The following MALT1 variants were observed in gnomAD, a reference collection of about 807,000 sequenced individuals.
MALT1 encodes mucosa-associated lymphoid tissue lymphoma translocation protein 1.
In MALT1, 36 loss-of-function variants were observed where a neutral mutation model predicts 85.5. The observed-to-expected ratio is 0.42, with a 90% CI of 0.32 to 0.56. MALT1 has a LOEUF of 0.56. MALT1 is among the 20% of genes least tolerant of loss of function. The pLI is 0.10. For missense variants in MALT1, 716 were observed against 981.6 expected, an observed-to-expected ratio of 0.73 and a Z score of 3.62; for synonymous variants, 359 against 361.3, an observed-to-expected ratio of 0.99 and a Z score of 0.07.
intron 11 of MALT1, chr18:58,733,897 A>G: frequency 8.7e-7 from 1 of 1,146,422 alleles, no homozygotes; most frequent in African/African-American, 1.6e-5. Context: ...AACAAAACCA[A>G]CACCCATGGA....
chr18:58,683,141 C>A (rs954292175), intron 2 of MALT1, among the ~76,000 whole-genome samples: 1 of 152,134 alleles, frequency 6.6e-6, no homozygotes, highest in Non-Finnish European at 1.5e-5. Context: ...CATTTGAAAT[C>A]TACTAGTCTA....
intron 10 of MALT1, among the ~76,000 whole-genome samples, 181 bp downstream of exon 10, chr18:58,723,432 CAT>C: frequency 1.3e-5 from 2 of 152,090 alleles, no homozygotes; most frequent in Middle Eastern, 3.4e-3. Flanking sequence ...TAATTAGCTT[CAT>C]GTCTTTACTT....
intron 13 of MALT1, among the ~76,000 whole-genome samples, chr18:58,736,635 A>G (rs972199626): frequency 2.0e-5 from 3 of 152,240 alleles, no homozygotes; most frequent in Non-Finnish European, 2.9e-5. Context: ...TGTCATAGCA[A>G]TGAATGGCAT....
At chr18:58,695,228 C>G (rs1203660456) in intron 2 of MALT1, among the ~76,000 whole-genome samples, 1 of 152,156 alleles carries the variant, frequency 6.6e-6, no homozygotes, top group Non-Finnish European at 1.5e-5. Flanking sequence ...GTGGGTATGC[C>G]TTTATCAGGA....
chr18:58,721,247 C>T, intron 9 of MALT1, among the ~76,000 whole-genome samples: 1 of 152,034 alleles, frequency 6.6e-6, no homozygotes. Context: ...GGCGTGGTGG[C>T]GCATGCCTGT....
At chr18:58,705,659 A>G (rs924667069) in intron 4 of MALT1, among the ~76,000 whole-genome samples, 6 of 150,268 alleles carry the variant, frequency 4.0e-5, no homozygotes, top group Admixed American at 3.3e-4. Flanking sequence ...TGAACTCATC[A>G]TTTTTTATGG....
intron 2 of MALT1, chr18:58,691,351 T>C (rs958723457): frequency 7.0e-6 from 6 of 852,180 alleles, no homozygotes; most frequent in Non-Finnish European, 1.1e-5. Flanking sequence ...CTGTTTGCTT[T>C]TGGCATTGCC....
At chr18:58,700,339 GC>G (rs2054653804) in intron 3 of MALT1, 101 bp from the exon 4 acceptor site, 11 of 840,740 alleles carry the variant, frequency 1.3e-5, no homozygotes, top group Admixed American at 3.4e-5. Flanking sequence ...GAAAAATGTT[GC>G]ACTTTCAAAG....
intron 13 of MALT1, among the ~76,000 whole-genome samples, chr18:58,737,969 T>C (rs6567006): frequency 0.98 from 148,993 of 152,306 alleles, 72,961 homozygotes; most frequent in Middle Eastern, 1. Flanking sequence ...ATCTGTAACG[T>C]GACTTTTATT....
Position 58,696,434 on chromosome 18 carries a change from C to G in MALT1, c.445C>G (p.Arg149Gly). ...TGGACAGTTTGTGAAACTGTGTTGC[C>G]GGGCAACTGGACATCCTTTTGTTCA... The part of the protein sequence containing the change: ...LAGQFVKLCC[R>G]ATGHPFVQYQ... The change falls in exon 3 of 17, where the codon CGG (arginine) becomes GGG (glycine). Residue 149 changes from arginine to glycine, a missense_variant. Coordinates refer to ENST00000649217, the MANE Select transcript of MALT1 (RefSeq NM_006785.4). 6.3e-7 allele frequency: 1 copy of G among 1,592,828 alleles called. No homozygotes were observed.
intron 2 of MALT1, among the ~76,000 whole-genome samples, chr18:58,689,691 G>A (rs1274298011): frequency 1.3e-5 from 2 of 152,130 alleles, no homozygotes; most frequent in African/African-American, 2.4e-5. Flanking sequence ...GGGGGTGGGA[G>A]GGTACCTAAT....
Position 58,750,753 on chromosome 18 carries a change from A to G in MALT1, c.*2911A>G, listed in dbSNP as rs2055435562. 1 of 152,222 alleles carries G rather than the reference A, an allele frequency of 6.6e-6. No individual in the cohort carries two copies. The highest frequency in any genetic ancestry group is 1.5e-5 in the Non-Finnish European group (1 of 68,034). The allele number at this position is 152,222 out of a possible 1,614,324, so 9.4% of individuals were successfully genotyped here. On this transcript the variant is annotated 3_prime_UTR_variant, in exon 17 of 17. Coordinates refer to ENST00000649217, the MANE Select transcript of MALT1 (RefSeq NM_006785.4). Reference sequence around the variant, plus strand: ...AACTCAAAATGGATCATAGACCTCAATATAAGAGTTTAAACTCTTAGAAGA... The same window carrying G: ...AACTCAAAATGGATCATAGACCTCAGTATAAGAGTTTAAACTCTTAGAAGA...
rs1401941157 is a variant in MALT1, at chr18:58,750,277, GAC to G, written c.*2437_*2438del. 2.5e-5 allele frequency: 4 copies of G among 163,058 alleles called. No homozygotes were observed. The highest frequency in any genetic ancestry group is 9.6e-5 in the African/African-American group (4 of 41,806). The allele number at this position is 163,058 out of a possible 1,614,324, so 10.1% of individuals were successfully genotyped here. ...AAATTAAGATCCAGATAAATGGAAA[GAC>G]ATCCATGTTCATGGATTGGAAGACT... On this transcript the variant is annotated 3_prime_UTR_variant, in exon 17 of 17. Coordinates refer to ENST00000649217, the MANE Select transcript of MALT1 (RefSeq NM_006785.4).
At chr18:58,742,794 C>G (rs2055319708) in intron 14 of MALT1, among the ~76,000 whole-genome samples, 1 of 152,224 alleles carries the variant, frequency 6.6e-6, no homozygotes, top group Non-Finnish European at 1.5e-5. Context: ...TGGCACTCGA[C>G]AAGTCCTCTG....
intron 2 of MALT1, among the ~76,000 whole-genome samples, chr18:58,681,751 A>C (rs776552805): frequency 5.9e-5 from 9 of 152,244 alleles, no homozygotes; most frequent in Admixed American, 1.3e-4. Context: ...TAGATGAAGT[A>C]AAGCAAGTAT....
chr18:58,731,163 G>A (rs2055143645), intron 10 of MALT1, among the ~76,000 whole-genome samples: 1 of 152,148 alleles, frequency 6.6e-6, no homozygotes, highest in Non-Finnish European at 1.5e-5. Context: ...ATGTTGGCCA[G>A]GCTGGTCTTG....
chr18:58,734,319 T>C lies in MALT1; in HGVS notation c.1413T>C (p.Asp471=). 1 of 1,612,812 alleles carries C rather than the reference T, an allele frequency of 6.2e-7. No homozygotes were observed. The highest frequency in any genetic ancestry group is 8.5e-7 in the Non-Finnish European group (1 of 1,178,746). Residue 471 remains aspartate (D), a synonymous_variant, in exon 12 of 17, where the codon GAT becomes GAC. Transcript: ENST00000649217. ...LDMCRKRNDY[D]DTIPILDALK... ...CTCCCTTAAATAGAAATGACTACGA[T>C]GATACCATTCCAATCTTGGATGCAC... is the stretch of plus-strand genomic sequence containing the variant.
Position 58,744,345 on chromosome 18 carries a change from A to C in MALT1, c.1761A>C (p.Pro587=), listed in dbSNP as rs2055338855. The C allele has an allele frequency of 3.8e-6, 6 of 1,590,236 alleles. No individual in the cohort carries two copies. The highest frequency in any genetic ancestry group is 5.1e-6 in the Non-Finnish European group (6 of 1,169,100). ...CTTATTGTTCTTTTTCAGAACTTCC[A>C]GAAAGTATGTGTCTTAAGTTTGACT... ...NLQWAKAHEL[P]ESMCLKFDCG... Residue 587 remains proline (P), a synonymous_variant, in exon 15 of 17, where the codon CCA becomes CCC. Transcript: ENST00000649217.
intron 2 of MALT1, among the ~76,000 whole-genome samples, chr18:58,688,720 T>C (rs2054449016): frequency 6.6e-6 from 1 of 152,102 alleles, no homozygotes; most frequent in African/African-American, 2.4e-5. Flanking sequence ...TATCTCCTTG[T>C]ATAATGGCAG....
Sources: allele counts gnomAD v4.1 joint callset (sites outside exome capture counted in the v4.1 genomes callset), GRCh38; gene constraint gnomAD v4.1.1; transcripts MANE v1.5; gene names NCBI Gene and HGNC (gene_info 2026-07-23, HGNC 2026-07-21).